Variants in RRP36 observed in about 807,000 individuals in gnomAD.
RRP36 encodes ribosomal RNA processing 36.
Under a neutral mutation model 39.8 loss-of-function variants are expected in RRP36, and 44 were observed. That is an observed-to-expected ratio of 1.10 (90% confidence interval 0.87 to 1.42). The LOEUF is 1.42. Among genes scored for constraint, RRP36 ranks in the 40% most tolerant of loss-of-function variants. The probability of loss-of-function intolerance (pLI) is 0.00; values close to 1 mark genes in which losing one functional copy is unlikely to be tolerated. For synonymous variants in RRP36, 124 were observed against 123.1 expected (o/e 1.01, Z -0.05); for missense variants, 316 against 322.4 (o/e 0.98, Z 0.15).
In RRP36 at chr6:43,021,629, C is replaced by G. The variant is rs769090195; in HGVS notation, c.-26C>G. On this transcript the variant is annotated 5_prime_UTR_variant, in exon 1 of 7. Transcript: ENST00000244496. Reference sequence around the variant, plus strand: ...TGCCGTGAGCGGAAGCGGCGCCATTCGTCTTCCGAGCGCTACTGCCAGCTG... The same window carrying G: ...TGCCGTGAGCGGAAGCGGCGCCATTGGTCTTCCGAGCGCTACTGCCAGCTG... The G allele has an allele frequency of 7.8e-7, 1 of 1,283,680 alleles. No individual in the cohort carries two copies. The highest frequency in any genetic ancestry group is 1.5e-5 in the African/African-American group (1 of 65,892). 79.5% of individuals were successfully genotyped at this position (1,283,680 alleles called of 1,614,324 possible).
intron 6 of RRP36, among the ~76,000 whole-genome samples, chr6:43,028,147 G>A (rs1762852468): frequency 6.6e-6 from 1 of 151,942 alleles, no homozygotes; most frequent in African/African-American, 2.4e-5. Context: ...GGGCCAACAT[G>A]GTGAAACCCT....
intron 6 of RRP36, 131 bp from the exon 7 acceptor site, chr6:43,028,961 G>C: frequency 1.6e-6 from 2 of 1,239,318 alleles, no homozygotes; most frequent in Non-Finnish European, 2.3e-6. Flanking sequence ...TCAGAAAAAA[G>C]ATAGAGGGGC....
chr6:43,029,458 G>A lies in RRP36; in HGVS notation c.*230G>A, dbSNP rs772025291. ...CTTGAATCTGGTTCATTGCGTCCTC[G>A]TGTTCTTCTCTCATCCTTGCCTTAA... On this transcript the variant is annotated 3_prime_UTR_variant, in exon 7 of 7. Coordinates refer to ENST00000244496, the MANE Select transcript of RRP36 (RefSeq NM_033112.4). The A allele has an allele frequency of 2.5e-5, 11 of 444,352 alleles. No homozygotes were observed. Among genetic ancestry groups the A allele is most frequent in the Non-Finnish European group, 4.0e-5 (10 of 251,694 alleles). 27.5% of individuals were successfully genotyped at this position (444,352 alleles called of 1,614,324 possible). A position where few individuals can be genotyped will look rare whatever the true frequency, so the allele number is the denominator to read the frequency against.
chr6:43,027,476 A>G lies in RRP36; in HGVS notation c.642A>G (p.Lys214=). 6.2e-7 allele frequency: 1 copy of G among 1,612,924 alleles called. No homozygotes were observed. The highest frequency in any genetic ancestry group is 8.5e-7 in the Non-Finnish European group (1 of 1,179,342). Reference sequence around the variant, plus strand: ...GCCATCGGCCATACTTCCTGAAAAAATGTGAGTTGGGCACAACTGTTGCTA... The same window carrying G: ...GCCATCGGCCATACTTCCTGAAAAAGTGTGAGTTGGGCACAACTGTTGCTA... The part of the protein sequence containing the change: ...QQGHRPYFLK[K]SEQRQLALAE... The change falls in exon 6 of 7, where the codon AAA becomes AAG. Residue 214 remains lysine, a splice_region_variant and synonymous_variant. Transcript: ENST00000244496.
Position 43,026,026 on chromosome 6 carries a change from T to C in RRP36, c.346-11T>C, listed in dbSNP as rs369590141. The C allele has an allele frequency of 8.4e-4, 1,347 of 1,596,624 alleles. No individual in the cohort carries two copies. Among genetic ancestry groups the C allele is most frequent in the Non-Finnish European group, 1.1e-3 (1,301 of 1,164,796 alleles). ...CAGTTGTGTTTTATATTCTCTCTCT[T>C]CTCTCCAAAGGTAGCCCGGGACCCT... On this transcript the variant is annotated splice_polypyrimidine_tract_variant and intron_variant, in intron 3 of 6. Coordinates refer to ENST00000244496, the MANE Select transcript of RRP36 (RefSeq NM_033112.4).
chr6:43,028,460 A>C (rs555896808), intron 6 of RRP36, among the ~76,000 whole-genome samples: 94 of 149,880 alleles, frequency 6.3e-4, no homozygotes, highest in Non-Finnish European at 1.1e-3. Flanking sequence ...CCAGCCTGGC[A>C]AACATGGTGA....
Position 43,025,097 on chromosome 6 carries a change from A to G in RRP36, c.243A>G (p.Pro81=), listed in dbSNP as rs1313486030. The change falls in exon 2 of 7, where the codon CCA becomes CCG. Residue 81 remains proline, a synonymous_variant. Transcript: ENST00000244496. ...GTCCTAAGAAACAAGCTTCTAGACC[A>G]CCTATCCAAAATGCATGTGTTGCAG... The part of the protein sequence containing the change: ...GNSPKKQASR[P]PIQNACVADK... The G allele has an allele frequency of 1.2e-6, 2 of 1,614,214 alleles. No individual in the cohort carries two copies. Among genetic ancestry groups the G allele is most frequent in the Non-Finnish European group, 8.5e-7 (1 of 1,180,048 alleles).
chr6:43,029,216 G>A lies in RRP36; in HGVS notation c.768G>A (p.Leu256=), dbSNP rs1762870805. 6.2e-7 allele frequency: 1 copy of A among 1,614,206 alleles called. No individual in the cohort carries two copies. The highest frequency in any genetic ancestry group is 8.5e-7 in the Non-Finnish European group (1 of 1,180,030). Residue 256 remains leucine (L), a synonymous_variant, in exon 7 of 7, where the codon TTG becomes TTA. Transcript: ENST00000244496. ...NAGKDRRHLP[L]SKE ...GCAAGGACAGGAGACATCTCCCTTTGAGCAAAGAGTAATAAGGAACTATCC... is the reference window on the plus strand; with the variant it reads ...GCAAGGACAGGAGACATCTCCCTTTAAGCAAAGAGTAATAAGGAACTATCC...
At chr6:43,028,228 G>A (rs1009842107) in intron 6 of RRP36, among the ~76,000 whole-genome samples, 1 of 152,134 alleles carries the variant, frequency 6.6e-6, no homozygotes, top group Non-Finnish European at 1.5e-5. Context: ...TACTCAGGAG[G>A]CTGAGGCAGG....
Position 43,029,079 on chromosome 6 carries a change from C to T in RRP36, c.644-13C>T, listed in dbSNP as rs373122030. 9.9e-6 allele frequency: 16 copies of T among 1,613,538 alleles called. No individual in the cohort carries two copies. The highest frequency in any genetic ancestry group is 4.2e-6 in the Non-Finnish European group (5 of 1,179,604). Reference sequence around the variant, plus strand: ...TTCTTTGTTCACCAACTTTCATTCTCCCTGTCATTTAGCTGAGCAGCGCCA... The same window carrying T: ...TTCTTTGTTCACCAACTTTCATTCTTCCTGTCATTTAGCTGAGCAGCGCCA... On this transcript the variant is annotated splice_polypyrimidine_tract_variant and intron_variant, in intron 6 of 6. Coordinates refer to ENST00000244496, the MANE Select transcript of RRP36 (RefSeq NM_033112.4).
chr6:43,025,444 G>T, intron 3 of RRP36, 115 bp downstream of exon 3: 7 of 863,916 alleles, frequency 8.1e-6, no homozygotes, highest in Non-Finnish European at 1.3e-5. Context: ...CCAACATGGT[G>T]AAACCCTGTC....
rs1762874066 is a variant in RRP36 at position 43,029,434 on chromosome 6, T to C, written c.*206T>C. 3 of 510,380 alleles carry C rather than the reference T, an allele frequency of 5.9e-6. No homozygotes were observed. Among genetic ancestry groups the C allele is most frequent in the Admixed American group, 3.5e-5 (1 of 28,864 alleles). The allele number at this position is 510,380 out of a possible 1,614,324, so 31.6% of individuals were successfully genotyped here. A position where few individuals can be genotyped will look rare whatever the true frequency, so the allele number is the denominator to read the frequency against. On this transcript the variant is annotated 3_prime_UTR_variant, in exon 7 of 7. Coordinates refer to ENST00000244496, the MANE Select transcript of RRP36 (RefSeq NM_033112.4). ...TTCTGCCATGCCACACAGCCTCAGC[T>C]TGAATCTGGTTCATTGCGTCCTCGT... is the stretch of plus-strand genomic sequence containing the variant.
At chr6:43,027,873 TAC>T (rs748576166) in intron 6 of RRP36, among the ~76,000 whole-genome samples, 1 of 146,488 alleles carries the variant, frequency 6.8e-6, no homozygotes, top group Admixed American at 6.8e-5. Flanking sequence ...TGGTCTATAC[TAC>T]ACACACACAC....
At chr6:43,023,254 G>T (rs1762759327) in intron 1 of RRP36, among the ~76,000 whole-genome samples, 1 of 151,996 alleles carries the variant, frequency 6.6e-6, no homozygotes, top group Admixed American at 6.6e-5. Flanking sequence ...AAAAAATTTA[G>T]CCAGGGTGGT....
chr6:43,027,723 CCA>C (rs1491531201), intron 6 of RRP36, among the ~76,000 whole-genome samples: 2 of 129,698 alleles, frequency 1.5e-5, no homozygotes, highest in African/African-American at 6.1e-5. Flanking sequence ...CCCCCCCCCC[CCA>C]ACACACACAC....
rs1375444186 is a variant in RRP36 at position 43,029,545 on chromosome 6, C to T, written c.*317C>T. The T allele has an allele frequency of 2.3e-5, 6 of 257,648 alleles. No individual in the cohort carries two copies. Among genetic ancestry groups the T allele is most frequent in the Admixed American group, 5.0e-5 (1 of 19,890 alleles). 16.0% of individuals were successfully genotyped at this position (257,648 alleles called of 1,614,324 possible). A position where few individuals can be genotyped will look rare whatever the true frequency, so the allele number is the denominator to read the frequency against. Reference sequence around the variant, plus strand: ...AAAACCATGGAGTCTGTTCGTGACTCCCAGGGCTGGGACATTATGTAGGAG... The same window carrying T: ...AAAACCATGGAGTCTGTTCGTGACTTCCAGGGCTGGGACATTATGTAGGAG... On this transcript the variant is annotated 3_prime_UTR_variant, in exon 7 of 7. Coordinates refer to ENST00000244496, the MANE Select transcript of RRP36 (RefSeq NM_033112.4).
At chr6:43,027,328 T>C (rs1040697218) in intron 5 of RRP36, 32 bp from the exon 6 acceptor site, 1 of 1,610,894 alleles carries the variant, frequency 6.2e-7, no homozygotes, top group African/African-American at 1.3e-5. Flanking sequence ...AACAGATCCC[T>C]CCCGTTCACC....
chr6:43,021,629 C>A lies in RRP36; in HGVS notation c.-26C>A. 1 of 1,283,794 alleles carries A rather than the reference C, an allele frequency of 7.8e-7. No individual in the cohort carries two copies. Among genetic ancestry groups the A allele is most frequent in the Non-Finnish European group, 9.9e-7 (1 of 1,014,466 alleles). 79.5% of individuals were successfully genotyped at this position (1,283,794 alleles called of 1,614,324 possible). ...TGCCGTGAGCGGAAGCGGCGCCATT[C>A]GTCTTCCGAGCGCTACTGCCAGCTG... On this transcript the variant is annotated 5_prime_UTR_variant, in exon 1 of 7. Transcript: ENST00000244496.
At chr6:43,023,236 T>A (rs1009581697) in intron 1 of RRP36, among the ~76,000 whole-genome samples, 6 of 151,778 alleles carry the variant, frequency 4.0e-5, no homozygotes, top group African/African-American at 1.5e-4. Context: ...GCTTTTCTAC[T>A]AAAAATAAAA....
Sources: allele counts gnomAD v4.1 joint callset (sites outside exome capture counted in the v4.1 genomes callset), GRCh38; gene constraint gnomAD v4.1.1; transcripts MANE v1.5; gene names NCBI Gene and HGNC (gene_info 2026-07-23, HGNC 2026-07-21).